The following NRP1 variants were observed in gnomAD, a reference collection of about 807,000 sequenced individuals.
The protein encoded by NRP1 is neuropilin-1.
A neutral mutation model predicts 106.7 loss-of-function variants in NRP1; 35 were observed. The observed-to-expected ratio is 0.33, with a 90% CI of 0.25 to 0.43. NRP1 has a LOEUF of 0.43. Among genes scored for constraint, NRP1 ranks in the 20% least tolerant of loss-of-function variants. The probability of loss-of-function intolerance (pLI) is 1.00; values close to 1 mark genes in which losing one functional copy is unlikely to be tolerated. For synonymous variants in NRP1, 437 were observed against 417.9 expected, an observed-to-expected ratio of 1.05 and a Z score of -0.56; for missense variants, 1,024 against 1,170.4, an observed-to-expected ratio of 0.87 and a Z score of 1.83.
rs1015273951 is a variant in NRP1, at chr10:33,324,782, C to T, written c.248+5926G>A. On this transcript the variant is annotated intron_variant, in intron 2 of 16. Coordinates refer to ENST00000374867, the MANE Select transcript of NRP1 (RefSeq NM_003873.7). ...CCTCCCGAGTAGCTGGGACTACAGG[C>T]GTGCACCACCTTGCCTGGCTAATTT... Among the ~76,000 whole-genome samples the T allele has an allele frequency of 7.9e-5, 12 of 152,242 alleles. No individual in the cohort carries two copies. In the East Asian group the frequency reaches 2.3e-3, roughly 29 times the overall value.
At chr10:33,278,077 G>A (rs566338857) in intron 2 of NRP1, among the ~76,000 whole-genome samples, 3 of 152,126 alleles carry the variant, frequency 2.0e-5, no homozygotes, top group South Asian at 4.2e-4. Context: ...TATACTTTGC[G>A]ATGTGTTTAT....
chr10:33,237,539 T>C (rs1158441866), intron 6 of NRP1, among the ~76,000 whole-genome samples: 1 of 150,712 alleles, frequency 6.6e-6, no homozygotes, highest in Non-Finnish European at 1.5e-5. Flanking sequence ...ATTGCTTACA[T>C]TTGAAAATAT....
At chr10:33,262,473 C>G (rs1296084073) in intron 4 of NRP1, among the ~76,000 whole-genome samples, 1 of 152,030 alleles carries the variant, frequency 6.6e-6, no homozygotes, top group African/African-American at 2.4e-5. Context: ...GAGGCTGAGG[C>G]AGGAGGATCT....
chr10:33,329,767 TG>T (rs1352486394), intron 2 of NRP1, among the ~76,000 whole-genome samples: 4 of 152,166 alleles, frequency 2.6e-5, no homozygotes, highest in Admixed American at 1.3e-4. Context: ...CCACTTTCAG[TG>T]GGTCAGAATG....
At chr10:33,260,451 A>G (rs1234456951) in intron 4 of NRP1, among the ~76,000 whole-genome samples, 1 of 152,200 alleles carries the variant, frequency 6.6e-6, no homozygotes, top group Non-Finnish European at 1.5e-5. Context: ...GAAATGGTTG[A>G]TAATTTTTGG....
chr10:33,325,869 A>G (rs1408388124), intron 2 of NRP1, among the ~76,000 whole-genome samples: 1 of 152,218 alleles, frequency 6.6e-6, no homozygotes, highest in Non-Finnish European at 1.5e-5. Flanking sequence ...TAGTTGAAAA[A>G]AGCAACTGTG....
intron 2 of NRP1, among the ~76,000 whole-genome samples, chr10:33,307,584 GT>G (rs1211256040): frequency 2.0e-5 from 3 of 152,134 alleles, no homozygotes; most frequent in Non-Finnish European, 4.4e-5. Context: ...GCAAATTGGA[GT>G]ATATATCAAG....
intron 2 of NRP1, among the ~76,000 whole-genome samples, chr10:33,277,084 A>T (rs1843752200): frequency 6.6e-6 from 1 of 151,714 alleles, no homozygotes; most frequent in Non-Finnish European, 1.5e-5. Flanking sequence ...CAGCCTGGGT[A>T]ACAGATCAAG....
At chr10:33,289,886 T>C (rs971891699) in intron 2 of NRP1, among the ~76,000 whole-genome samples, 6 of 152,238 alleles carry the variant, frequency 3.9e-5, no homozygotes, top group African/African-American at 1.4e-4. Context: ...GGAAGGTCAG[T>C]ATCTGCGGAG....
chr10:33,249,025 T>C (rs1309745360), intron 6 of NRP1, among the ~76,000 whole-genome samples: 1 of 151,758 alleles, frequency 6.6e-6, no homozygotes, highest in Non-Finnish European at 1.5e-5. Flanking sequence ...GTAATCCTGG[T>C]GCTATTTTTG....
chr10:33,184,258 C>T (rs1259216521), intron 15 of NRP1, among the ~76,000 whole-genome samples: 4 of 152,166 alleles, frequency 2.6e-5, no homozygotes, highest in African/African-American at 9.7e-5. Context: ...TCAAATGATC[C>T]TCCTGCCTCG....
chr10:33,202,791 C>G, intron 11 of NRP1, 100 bp downstream of exon 11: 1 of 1,606,648 alleles, frequency 6.2e-7, no homozygotes, highest in African/African-American at 1.3e-5. Context: ...GGGCAGCTCT[C>G]TGCCATGCGG....
At chr10:33,241,541 G>T (rs564140097) in intron 6 of NRP1, among the ~76,000 whole-genome samples, 105 of 152,150 alleles carry the variant, frequency 6.9e-4, no homozygotes, top group African/African-American at 2.4e-3. Context: ...CACTGGAACC[G>T]TTCTTAAAAC....
intron 2 of NRP1, among the ~76,000 whole-genome samples, chr10:33,319,002 CTTTTTTTTTT>C (rs36010472): frequency 3.3e-5 from 3 of 90,766 alleles, no homozygotes; most frequent in Non-Finnish European, 6.9e-5. Context: ...TCTTTTCTTT[CTTTTTTTTTT>C]TTTTTTTTTT....
At chr10:33,216,178 C>T (rs1838751994) in intron 8 of NRP1, among the ~76,000 whole-genome samples, 1 of 147,276 alleles carries the variant, frequency 6.8e-6, no homozygotes, top group Admixed American at 6.9e-5. Flanking sequence ...CGCTCTGTCT[C>T]CCAGGCTGGA....
intron 2 of NRP1, among the ~76,000 whole-genome samples, chr10:33,295,198 C>T (rs2132658411): frequency 6.6e-6 from 1 of 152,242 alleles, no homozygotes; most frequent in South Asian, 2.1e-4. Flanking sequence ...GCATGAATCC[C>T]TATATAGCCA....
chr10:33,189,489 T>C (rs1372956163), intron 13 of NRP1, among the ~76,000 whole-genome samples: 1 of 152,210 alleles, frequency 6.6e-6, no homozygotes, highest in Non-Finnish European at 1.5e-5. Flanking sequence ...TTCCCAACCA[T>C]GATCAGACTG....
intron 11 of NRP1, among the ~76,000 whole-genome samples, chr10:33,199,588 C>G (rs1438931725): frequency 6.6e-6 from 1 of 151,088 alleles, no homozygotes; most frequent in African/African-American, 2.4e-5. Flanking sequence ...TTTTAACCCA[C>G]TGAGTTTGGG....
At chr10:33,199,389 ATTT>A (rs1160327036) in intron 11 of NRP1, among the ~76,000 whole-genome samples, 111 of 36,706 alleles carry the variant, frequency 3.0e-3, no homozygotes, top group African/African-American at 9.9e-3. Context: ...ATATATATAT[ATTT>A]TTTTTTTTTT....
Sources: allele counts gnomAD v4.1 joint callset (sites outside exome capture counted in the v4.1 genomes callset), GRCh38; gene constraint gnomAD v4.1.1; transcripts MANE v1.5; gene names NCBI Gene and HGNC (gene_info 2026-07-23, HGNC 2026-07-21).